The following NFIA variants were observed in gnomAD, a reference collection of about 807,000 sequenced individuals.
NFIA encodes the protein nuclear factor I A.
NFIA carries 8 observed loss-of-function variants against 62.8 expected under a neutral mutation model. The observed-to-expected ratio is 0.13, with a 90% CI of 0.07 to 0.23. The LOEUF (loss-of-function observed/expected upper bound fraction) is 0.23. NFIA is among the 10% of genes least tolerant of loss of function. The pLI is 1.00. For synonymous variants in NFIA, 235 were observed against 238.1 expected, an observed-to-expected ratio of 0.99 and a Z score of 0.12; for missense variants, 410 against 642.1, an observed-to-expected ratio of 0.64 and a Z score of 3.91.
At chr1:61,439,722 C>T (rs1466340735) in intron 10 of NFIA, among the ~76,000 whole-genome samples, 3 of 152,230 alleles carry the variant, frequency 2.0e-5, no homozygotes, top group South Asian at 2.1e-4. Flanking sequence ...AAATTGGGAA[C>T]TAAGGTATTC....
chr1:61,437,705 T>C (rs143944727), intron 10 of NFIA, among the ~76,000 whole-genome samples: 95 of 152,226 alleles, frequency 6.2e-4, no homozygotes, highest in African/African-American at 2.2e-3. Flanking sequence ...GGGAGAAGCA[T>C]GGAGCTCATG....
intron 2 of NFIA, among the ~76,000 whole-genome samples, chr1:61,266,613 G>T (rs971004980): frequency 1.3e-5 from 2 of 152,022 alleles, no homozygotes; most frequent in Admixed American, 6.6e-5. Context: ...GGCCAGGCTG[G>T]TCTCAAACTC....
intron 2 of NFIA, among the ~76,000 whole-genome samples, chr1:61,152,748 T>G (rs935343455): frequency 6.6e-6 from 1 of 152,206 alleles, no homozygotes; most frequent in Non-Finnish European, 1.5e-5. Context: ...ACTTTAAAAT[T>G]TGAGCTCTGC....
intron 2 of NFIA, among the ~76,000 whole-genome samples, chr1:61,156,727 G>A (rs977365810): frequency 1.3e-5 from 2 of 152,192 alleles, no homozygotes; most frequent in African/African-American, 4.8e-5. Flanking sequence ...GATTACTACT[G>A]CCATCATTGT....
At chr1:61,192,560 G>A (rs1204552995) in intron 2 of NFIA, among the ~76,000 whole-genome samples, 1 of 151,830 alleles carries the variant, frequency 6.6e-6, no homozygotes, top group Admixed American at 6.6e-5. Context: ...AAAATTAGCT[G>A]AGCGTGGTGG....
At chr1:61,436,708 CT>C (rs1290815468) in intron 10 of NFIA, among the ~76,000 whole-genome samples, 2 of 152,168 alleles carry the variant, frequency 1.3e-5, no homozygotes, top group Non-Finnish European at 2.9e-5. Flanking sequence ...ATTCTTTGAT[CT>C]GTGCCCTGTC....
At chr1:61,089,032 C>T (rs1212080299) in intron 2 of NFIA, among the ~76,000 whole-genome samples, 6 of 152,100 alleles carry the variant, frequency 3.9e-5, no homozygotes, top group Non-Finnish European at 8.8e-5. Flanking sequence ...AGTTTAAAAG[C>T]ATTTATTTTG....
chr1:61,326,514 A>T (rs1660944378), intron 3 of NFIA, among the ~76,000 whole-genome samples: 1 of 144,226 alleles, frequency 6.9e-6, no homozygotes, highest in African/African-American at 2.5e-5. Flanking sequence ...AGTTTCATTC[A>T]CTCTGAGGCA....
At chr1:61,404,731 A>G (rs889200419) in intron 8 of NFIA, among the ~76,000 whole-genome samples, 10 of 152,258 alleles carry the variant, frequency 6.6e-5, no homozygotes, top group African/African-American at 2.4e-4. Flanking sequence ...GTCTTGTAAC[A>G]CTTTAGATCA....
chr1:61,158,617 A>G (rs1648971545), intron 2 of NFIA, among the ~76,000 whole-genome samples: 1 of 152,178 alleles, frequency 6.6e-6, no homozygotes, highest in Non-Finnish European at 1.5e-5. Context: ...ATCTCAATGG[A>G]AGAGATTGAT....
chr1:61,218,592 T>C (rs1228550089), intron 2 of NFIA, among the ~76,000 whole-genome samples: 2 of 152,148 alleles, frequency 1.3e-5, no homozygotes, highest in African/African-American at 4.8e-5. Context: ...GGGAAAATAA[T>C]CCTTAAAATT....
intron 6 of NFIA, among the ~76,000 whole-genome samples, chr1:61,365,116 A>G (rs1368046911): frequency 2.0e-5 from 3 of 152,086 alleles, no homozygotes; most frequent in Non-Finnish European, 2.9e-5. Flanking sequence ...GAGCCGAGGA[A>G]CTCAAGGTTA....
chr1:61,406,758 C>T (rs1665857419), intron 9 of NFIA, 31 bp downstream of exon 9: 3 of 1,559,474 alleles, frequency 1.9e-6, no homozygotes, highest in Non-Finnish European at 2.6e-6. Flanking sequence ...GCGCCGGTCA[C>T]TTCTAAAGCT....
chr1:61,108,370 T>A (rs1646639981), intron 2 of NFIA, among the ~76,000 whole-genome samples: 1 of 151,750 alleles, frequency 6.6e-6, no homozygotes, highest in African/African-American at 2.4e-5. Context: ...TTGTAAATTG[T>A]TTTTAATATT....
chr1:61,252,382 T>C (rs1482447156), intron 2 of NFIA, among the ~76,000 whole-genome samples: 1 of 152,194 alleles, frequency 6.6e-6, no homozygotes, highest in Non-Finnish European at 1.5e-5. Context: ...GTATCACCAT[T>C]GTGTAATTTA....
chr1:61,383,466 AG>A, intron 7 of NFIA, 101 bp downstream of exon 7: 1 of 1,391,236 alleles, frequency 7.2e-7, no homozygotes, highest in Non-Finnish European at 9.7e-7. Flanking sequence ...AACACTCGTG[AG>A]GCAGTGAGTG....
At chr1:61,270,008 T>C (rs922521583) in intron 2 of NFIA, among the ~76,000 whole-genome samples, 5 of 152,198 alleles carry the variant, frequency 3.3e-5, no homozygotes, top group Non-Finnish European at 5.9e-5. Flanking sequence ...TACATTTCAT[T>C]ATCAAAGATA....
chr1:61,427,574 GA>G (rs1458873616), intron 10 of NFIA, among the ~76,000 whole-genome samples: 1 of 152,154 alleles, frequency 6.6e-6, no homozygotes, highest in Non-Finnish European at 1.5e-5. Context: ...ATATGAATGG[GA>G]TAGATTTGCC....
chr1:61,129,548 C>T (rs947207965), intron 2 of NFIA, among the ~76,000 whole-genome samples: 1 of 149,804 alleles, frequency 6.7e-6, no homozygotes, highest in East Asian at 2.0e-4. Flanking sequence ...CTCCCAGATT[C>T]AAGCGATTCT....
Sources: allele counts gnomAD v4.1 joint callset (sites outside exome capture counted in the v4.1 genomes callset), GRCh38; gene constraint gnomAD v4.1.1; transcripts MANE v1.5; gene names NCBI Gene and HGNC (gene_info 2026-07-23, HGNC 2026-07-21).